ST6GALNAC5: variants seen among roughly 807,000 people sequenced by gnomAD.
The protein encoded by ST6GALNAC5 is alpha-N-acetylgalactosaminide alpha-2,6-sialyltransferase 5.
Under a neutral mutation model 33.6 loss-of-function variants are expected in ST6GALNAC5, and 27 were observed. That is an observed-to-expected ratio of 0.80 (90% CI 0.59 to 1.11). The LOEUF is 1.11. ST6GALNAC5 is among the 50% of genes least tolerant of loss of function. ST6GALNAC5 has a pLI of 0.00. For synonymous variants in ST6GALNAC5, 194 were observed against 171.2 expected, an observed-to-expected ratio of 1.13 and a Z score of -1.04; for missense variants, 428 against 454.0, an observed-to-expected ratio of 0.94 and a Z score of 0.52.
intron 2 of ST6GALNAC5, among the ~76,000 whole-genome samples, chr1:76,986,191 G>A (rs2859913): frequency 0.15 from 23,150 of 152,070 alleles, 1,834 homozygotes; most frequent in South Asian, 0.29. Context: ...AAGAGCTTCC[G>A]CACAGCAAAA....
rs567823592 is a variant in ST6GALNAC5, at chr1:77,058,004, G to C, written c.780-4971G>C. 3.9e-5 allele frequency among the ~76,000 whole-genome samples: 6 copies of C among 152,252 alleles called. No individual in the cohort carries two copies. The East Asian group carries it at 1.2e-3, about 29-fold the overall frequency. ...GAGCAGCTCGCAAGCACCACACATG[G>C]GGCTCCTCTGTAGCAAGAGCTCGGA... On this transcript the variant is annotated intron_variant, in intron 4 of 4. Transcript: ENST00000477717.
intron 2 of ST6GALNAC5, among the ~76,000 whole-genome samples, chr1:77,036,151 A>C (rs1651638168): frequency 6.6e-6 from 1 of 152,244 alleles, no homozygotes; most frequent in African/African-American, 2.4e-5. Context: ...GCTAAATGAA[A>C]GAAACAAGAC....
chr1:76,874,472 G>A (rs1653581483), intron 2 of ST6GALNAC5, among the ~76,000 whole-genome samples: 1 of 152,042 alleles, frequency 6.6e-6, no homozygotes, highest in South Asian at 2.1e-4. Flanking sequence ...TAACTTACAC[G>A]ATCACAGCTT....
intron 2 of ST6GALNAC5, among the ~76,000 whole-genome samples, chr1:76,905,725 A>G (rs576365567): frequency 1.3e-5 from 2 of 152,344 alleles, no homozygotes; most frequent in African/African-American, 4.8e-5. Flanking sequence ...ATTTTAATAG[A>G]ATAAAATCTT....
chr1:76,952,212 C>T (rs1216551193), intron 2 of ST6GALNAC5, among the ~76,000 whole-genome samples: 1 of 152,228 alleles, frequency 6.6e-6, no homozygotes, highest in South Asian at 2.1e-4. Context: ...TGGTTTCCAG[C>T]TCCCAATGAG....
rs572285723 is a variant in ST6GALNAC5, at chr1:76,868,364, C to A, written c.16-133C>A. On this transcript the variant is annotated intron_variant, in intron 1 of 4. Transcript: ENST00000477717. This position sits in a 1 kb window ranked among gnomAD's most constrained non-coding sequence, Gnocchi z 4.3. ...GTGCTTTCTCTGTCCCAGTTGCGTG[C>A]GGCGGGGCTGGGGCCCAGGCCGCCC... 5 of 1,335,830 alleles carry A rather than the reference C, an allele frequency of 3.7e-6. No individual in the cohort carries two copies. Among genetic ancestry groups the A allele is most frequent in the Non-Finnish European group, 5.0e-6 (5 of 1,004,942 alleles). 82.7% of individuals were successfully genotyped at this position (1,335,830 alleles called of 1,614,324 possible).
rs544865583 is a variant in ST6GALNAC5, at chr1:76,963,759, C to T, written c.262-80445C>T. ...ATCCCCAGAACCTTTAAATGTGTTACCTTACCTTACCAAATAATTTACCAC... is the reference window on the plus strand; with the variant it reads ...ATCCCCAGAACCTTTAAATGTGTTATCTTACCTTACCAAATAATTTACCAC... On this transcript the variant is annotated intron_variant, in intron 2 of 4. Coordinates refer to ENST00000477717, the MANE Select transcript of ST6GALNAC5 (RefSeq NM_030965.3). Among the ~76,000 whole-genome samples the T allele has an allele frequency of 5.9e-5, 9 of 152,292 alleles. No individual in the cohort carries two copies. In the South Asian group the frequency reaches 1.9e-3, roughly 32 times the overall value.
intron 4 of ST6GALNAC5, among the ~76,000 whole-genome samples, chr1:77,059,689 T>G (rs1652512844): frequency 1.3e-5 from 2 of 152,206 alleles, no homozygotes; most frequent in Admixed American, 1.3e-4. Context: ...AGCCTATTTC[T>G]CCTCATCTTT....
intron 2 of ST6GALNAC5, among the ~76,000 whole-genome samples, chr1:76,908,824 T>C (rs1001846344): frequency 6.6e-6 from 1 of 152,194 alleles, no homozygotes; most frequent in Non-Finnish European, 1.5e-5. Flanking sequence ...TTAATGATCA[T>C]TTGTTAATGA....
intron 2 of ST6GALNAC5, among the ~76,000 whole-genome samples, chr1:76,881,840 A>G (rs1488525364): frequency 6.6e-6 from 1 of 152,232 alleles, no homozygotes; most frequent in African/African-American, 2.4e-5. Context: ...CTCTTAAAGC[A>G]TACTCAGGAT....
chr1:76,892,107 G>C (rs1654026345), intron 2 of ST6GALNAC5, among the ~76,000 whole-genome samples: 1 of 152,174 alleles, frequency 6.6e-6, no homozygotes, highest in African/African-American at 2.4e-5. Context: ...TATTGAGTTA[G>C]TAGCTAAACA....
intron 2 of ST6GALNAC5, among the ~76,000 whole-genome samples, chr1:77,042,532 C>T (rs1157616225): frequency 6.6e-6 from 1 of 152,186 alleles, no homozygotes; most frequent in East Asian, 1.9e-4. Flanking sequence ...ATTATAAACC[C>T]TAAGTGTTCA....
At chr1:76,906,912 T>C (rs887694707) in intron 2 of ST6GALNAC5, among the ~76,000 whole-genome samples, 1 of 152,138 alleles carries the variant, frequency 6.6e-6, no homozygotes, top group Admixed American at 6.6e-5. Flanking sequence ...TTCCTCATTC[T>C]TTTTTCTATT....
intron 2 of ST6GALNAC5, among the ~76,000 whole-genome samples, chr1:77,035,995 G>T (rs920085233): frequency 1.3e-5 from 2 of 152,112 alleles, no homozygotes; most frequent in Non-Finnish European, 2.9e-5. Flanking sequence ...ACCAAAAAAT[G>T]GAGACAAATC....
chr1:76,882,510 G>A (rs1653804284), intron 2 of ST6GALNAC5, among the ~76,000 whole-genome samples: 1 of 152,126 alleles, frequency 6.6e-6, no homozygotes, highest in Non-Finnish European at 1.5e-5. Flanking sequence ...ACCTATCATA[G>A]GGAAAATTAA....
chr1:76,942,670 T>G (rs1223600310), intron 2 of ST6GALNAC5, among the ~76,000 whole-genome samples: 4 of 152,118 alleles, frequency 2.6e-5, no homozygotes, highest in African/African-American at 7.2e-5. Flanking sequence ...AGGATCTAAC[T>G]GAGTTGGTTT....
At chr1:76,915,517 A>T (rs1335272211) in intron 2 of ST6GALNAC5, among the ~76,000 whole-genome samples, 1 of 152,210 alleles carries the variant, frequency 6.6e-6, no homozygotes, top group Non-Finnish European at 1.5e-5. Context: ...GCAGCCATAA[A>T]AAATGATGAG....
chr1:76,955,681 A>G (rs1647930285), intron 2 of ST6GALNAC5, among the ~76,000 whole-genome samples: 1 of 152,168 alleles, frequency 6.6e-6, no homozygotes, highest in Admixed American at 6.5e-5. Flanking sequence ...AAGTCCATAA[A>G]TCCACATTAA....
At chr1:76,928,921 C>A (rs552023811) in intron 2 of ST6GALNAC5, among the ~76,000 whole-genome samples, 1 of 152,224 alleles carries the variant, frequency 6.6e-6, no homozygotes, top group East Asian at 1.9e-4. Context: ...GAGTCCAGCA[C>A]AAGGTAACAT....
Sources: allele counts gnomAD v4.1 joint callset (sites outside exome capture counted in the v4.1 genomes callset), GRCh38; gene constraint gnomAD v4.1.1; non-coding constraint Gnocchi (gnomAD v3.1); transcripts MANE v1.5; gene names NCBI Gene and HGNC (gene_info 2026-07-23, HGNC 2026-07-21).